The following KIRREL3 variants were observed in gnomAD, a reference collection of about 807,000 sequenced individuals.
KIRREL3 encodes the protein kirre like nephrin family adhesion molecule 3.
In KIRREL3, 36 loss-of-function variants were observed where a neutral mutation model predicts 89.7. That is an observed-to-expected ratio of 0.40 (90% CI 0.31 to 0.53). The LOEUF (loss-of-function observed/expected upper bound fraction) is 0.53. KIRREL3 is among the 20% of genes least tolerant of loss of function. The pLI, the probability that KIRREL3 is intolerant of heterozygous loss-of-function variation, is 0.49. For missense variants in KIRREL3, 864 were observed against 1,056.6 expected (o/e 0.82, Z 2.53); for synonymous variants, 445 against 441.4 (o/e 1.01, Z -0.10).
intron 2 of KIRREL3, among the ~76,000 whole-genome samples, chr11:126,547,806 T>C (rs1006970196): frequency 6.6e-6 from 1 of 152,184 alleles, no homozygotes; most frequent in African/African-American, 2.4e-5. Context: ...AAGTCTGCCC[T>C]GGACGATGGT....
In KIRREL3 at chr11:126,430,473, A is replaced by G. The variant is rs763250099; in HGVS notation, c.1696+946T>C. ...AAAAACCGTATATATATGTGTATAT[A>G]TGCGTATGTGTATATATTTGTATGC... On this transcript the variant is annotated intron_variant, in intron 14 of 16. Coordinates refer to ENST00000525144, the MANE Select transcript of KIRREL3 (RefSeq NM_032531.4). This position sits in a 1 kb window ranked among gnomAD's most constrained non-coding sequence, Gnocchi z 6.6. 8.5e-5 allele frequency among the ~76,000 whole-genome samples: 13 copies of G among 152,064 alleles called. No individual in the cohort carries two copies. The highest frequency in any genetic ancestry group is 1.6e-4 in the Non-Finnish European group (11 of 68,028).
chr11:126,924,816 G>C lies in KIRREL3; in HGVS notation c.55+75639C>G, dbSNP rs1947629926. Among the ~76,000 whole-genome samples, 1 of 152,014 alleles carries C rather than the reference G, an allele frequency of 6.6e-6. No individual in the cohort carries two copies. The highest frequency in any genetic ancestry group is 2.1e-4 in the South Asian group (1 of 4,820). Reference sequence around the variant, plus strand: ...CAACACCCTCACCTCAACCCTCCTGGTTAGCCTCTCTGATGTTGAGAATGA... The same window carrying C: ...CAACACCCTCACCTCAACCCTCCTGCTTAGCCTCTCTGATGTTGAGAATGA... On this transcript the variant is annotated intron_variant, in intron 1 of 16. Transcript: ENST00000525144. The surrounding 1 kb of genome is among the most constrained non-coding windows in gnomAD (Gnocchi z 4.7).
At position 126,575,698 on chromosome 11, in the gene KIRREL3, C is replaced by G. The variant is rs565242886; in HGVS notation, c.56-12786G>C. ...TTAATACCCACAGCAGCTCAAGGAA[C>G]AGCTTTGTTCAGCTCTCAGAGGAAG... is the stretch of plus-strand genomic sequence containing the variant. On this transcript the variant is annotated intron_variant, in intron 1 of 16. Transcript: ENST00000525144. This position sits in a 1 kb window ranked among gnomAD's most constrained non-coding sequence, Gnocchi z 7.0. Among the ~76,000 whole-genome samples, 2 of 151,704 alleles carry G rather than the reference C, an allele frequency of 1.3e-5. No homozygotes were observed. Among genetic ancestry groups the G allele is most frequent in the East Asian group, 3.9e-4 (2 of 5,176 alleles).
chr11:126,944,470 G>A (rs1255041116), intron 1 of KIRREL3: 2 of 152,330 alleles, frequency 1.3e-5, no homozygotes, highest in South Asian at 4.1e-4. Flanking sequence ...GCAGGAAGGT[G>A]AGAGGATGAA....
chr11:126,869,090 A>G (rs985344775), intron 1 of KIRREL3, among the ~76,000 whole-genome samples: 3 of 151,840 alleles, frequency 2.0e-5, no homozygotes, highest in Non-Finnish European at 4.4e-5. Context: ...ATAAACATTC[A>G]GTCCATTGTA....
At chr11:126,446,022 C>T (rs1395766233) in intron 9 of KIRREL3, among the ~76,000 whole-genome samples, 1 of 152,060 alleles carries the variant, frequency 6.6e-6, no homozygotes, top group Non-Finnish European at 1.5e-5. Flanking sequence ...GTGGCCCATA[C>T]CCATAGTCCC....
At chr11:126,693,631 A>ACCCC (rs1555176913) in intron 1 of KIRREL3, among the ~76,000 whole-genome samples, 11 of 151,454 alleles carry the variant, frequency 7.3e-5, no homozygotes, top group African/African-American at 2.7e-4. Context: ...ACACACACAC[A>ACCCC]CCCATAGTCA....
chr11:126,560,778 G>C (rs1940059200), intron 2 of KIRREL3, among the ~76,000 whole-genome samples: 1 of 152,104 alleles, frequency 6.6e-6, no homozygotes, highest in Admixed American at 6.5e-5. Context: ...TATCTTTAAG[G>C]GAAGAAGAAG....
In KIRREL3 at chr11:126,996,228, G is replaced by C. The variant is rs375058712; in HGVS notation, c.55+4227C>G. On this transcript the variant is annotated intron_variant, in intron 1 of 16. Coordinates refer to ENST00000525144, the MANE Select transcript of KIRREL3 (RefSeq NM_032531.4). The surrounding 1 kb of genome is among the most constrained non-coding windows in gnomAD (Gnocchi z 4.7). ...ATTGACCTTCTGGCACAAAAGAACT[G>C]ATTCTTCTTCCTCTAGACAAGACGT... 2.5e-4 allele frequency among the ~76,000 whole-genome samples: 38 copies of C among 152,320 alleles called. No homozygotes were observed. Among genetic ancestry groups the C allele is most frequent in the African/African-American group, 7.2e-4 (30 of 41,564 alleles).
chr11:126,884,004 G>A (rs987874458), intron 1 of KIRREL3, among the ~76,000 whole-genome samples: 2 of 152,138 alleles, frequency 1.3e-5, no homozygotes, highest in African/African-American at 4.8e-5. Flanking sequence ...TGGCCACCCG[G>A]GGAGATTGAC....
intron 2 of KIRREL3, among the ~76,000 whole-genome samples, chr11:126,542,990 C>T (rs1295725281): frequency 6.6e-6 from 1 of 152,182 alleles, no homozygotes; most frequent in African/African-American, 2.4e-5. Context: ...AATCCACCTT[C>T]ATAGCACCCC....
chr11:126,942,701 G>C (rs1948493262), intron 1 of KIRREL3, among the ~76,000 whole-genome samples: 1 of 152,190 alleles, frequency 6.6e-6, no homozygotes. Context: ...CAACCTCAGA[G>C]GTCTGAACAT....
chr11:126,828,535 C>A (rs1943493868), intron 1 of KIRREL3, among the ~76,000 whole-genome samples: 1 of 152,050 alleles, frequency 6.6e-6, no homozygotes, highest in Non-Finnish European at 1.5e-5. Context: ...AACAGCAGGA[C>A]CAGGGGAGTG....
rs73022599 is a variant in KIRREL3 at position 126,800,351 on chromosome 11, A to G, written c.55+200104T>C. Reference sequence around the variant, plus strand: ...CCTGCTCTGCCTTCTAGTCTGGGGAAAGATAGGTTCTCACAATAAAGCTGG... The same window carrying G: ...CCTGCTCTGCCTTCTAGTCTGGGGAGAGATAGGTTCTCACAATAAAGCTGG... On this transcript the variant is annotated intron_variant, in intron 1 of 16. Transcript: ENST00000525144. 3.3e-3 allele frequency among the ~76,000 whole-genome samples: 500 copies of G among 152,256 alleles called. 2 individuals carry two copies. Among genetic ancestry groups the G allele is most frequent in the Non-Finnish European group, 4.2e-3 (285 of 68,022 alleles).
chr11:126,480,821 G>C (rs865867367), intron 4 of KIRREL3, among the ~76,000 whole-genome samples: 1 of 152,202 alleles, frequency 6.6e-6, no homozygotes, highest in Non-Finnish European at 1.5e-5. Flanking sequence ...TTTGTAGTCC[G>C]CCCAGCTCTT....
chr11:126,936,196 C>A (rs1350390920), intron 1 of KIRREL3: 1 of 152,040 alleles, frequency 6.6e-6, no homozygotes, highest in Non-Finnish European at 1.5e-5. Flanking sequence ...AATGAGATAC[C>A]ACTTCATACC....
At chr11:126,774,070 G>T (rs1191457614) in intron 1 of KIRREL3, among the ~76,000 whole-genome samples, 1 of 151,688 alleles carries the variant, frequency 6.6e-6, no homozygotes, top group African/African-American at 2.4e-5. Context: ...GGAGGGAGGA[G>T]AAATACCTCT....
At chr11:126,756,162 A>G (rs1949493199) in intron 1 of KIRREL3, among the ~76,000 whole-genome samples, 1 of 152,216 alleles carries the variant, frequency 6.6e-6, no homozygotes, top group Non-Finnish European at 1.5e-5. Context: ...ATGAAGCCAG[A>G]CATAATTAAG....
chr11:126,475,809 G>A lies in KIRREL3; in HGVS notation c.434-2343C>T, dbSNP rs1957047745. Among the ~76,000 whole-genome samples, 1 of 152,260 alleles carries A rather than the reference G, an allele frequency of 6.6e-6. No homozygotes were observed. The highest frequency in any genetic ancestry group is 2.4e-5 in the African/African-American group (1 of 41,474). ...GGGGTGGGTGCAACCACTTGTGGAG[G>A]AGGGGAATTGCATCTCCACGCGGTG... On this transcript the variant is annotated intron_variant, in intron 4 of 16. Transcript: ENST00000525144. The surrounding 1 kb of genome is among the most constrained non-coding windows in gnomAD (Gnocchi z 7.5).
Sources: gnomAD v4.1 joint callset for allele counts (sites outside exome capture counted in the v4.1 genomes callset) on GRCh38, gnomAD v4.1.1 for gene constraint, Gnocchi (gnomAD v3.1) non-coding constraint, MANE v1.5 for transcripts, NCBI Gene and HGNC (gene_info 2026-07-23, HGNC 2026-07-21) for gene names.